The following DPP10 variants were observed in gnomAD, a reference collection of about 807,000 sequenced individuals.
DPP10 encodes the protein dipeptidyl peptidase like 10.
In DPP10, 33 loss-of-function variants were observed where a neutral mutation model predicts 120.9. The ratio of observed to expected loss-of-function variants is 0.27; its 90% CI spans 0.21 to 0.37. DPP10 has a LOEUF of 0.37. Among genes scored for constraint, DPP10 ranks in the 10% least tolerant of loss-of-function variants. The pLI is 1.00. For missense variants in DPP10, 816 were observed against 942.8 expected (o/e 0.87, Z 1.76); for synonymous variants, 337 against 326.1 (o/e 1.03, Z -0.36).
chr2:114,455,601 T>C (rs982250304), intron 1 of DPP10, among the ~76,000 whole-genome samples: 21 of 152,072 alleles, frequency 1.4e-4, no homozygotes, highest in African/African-American at 5.1e-4. Flanking sequence ...ACTTATTTCA[T>C]TGGAGTTTGG....
intron 1 of DPP10, among the ~76,000 whole-genome samples, chr2:115,120,306 T>C (rs915375309): frequency 1.3e-5 from 2 of 152,184 alleles, no homozygotes; most frequent in African/African-American, 4.8e-5. Flanking sequence ...AAGGATGGAA[T>C]GCCTCTGGAT....
intron 1 of DPP10, among the ~76,000 whole-genome samples, chr2:114,705,836 A>G (rs2105839184): frequency 6.6e-6 from 1 of 152,304 alleles, no homozygotes; most frequent in East Asian, 1.9e-4. Context: ...GATTGAAACT[A>G]TGCTTCAGGT....
intron 1 of DPP10, among the ~76,000 whole-genome samples, chr2:115,065,019 T>C (rs1454217509): frequency 1.3e-5 from 2 of 152,212 alleles, no homozygotes; most frequent in East Asian, 3.8e-4. Flanking sequence ...TATTATCCAT[T>C]TAGAAAATGA....
At chr2:114,753,826 A>G (rs2420447) in intron 1 of DPP10, among the ~76,000 whole-genome samples, 149,018 of 150,028 alleles carry the variant, frequency 0.99, 74,014 homozygotes, top group East Asian at 1. Context: ...GGAGAATGGC[A>G]TGAACCCGGG....
chr2:115,056,525 A>AT (rs1372257345), intron 1 of DPP10, among the ~76,000 whole-genome samples: 2 of 151,974 alleles, frequency 1.3e-5, no homozygotes, highest in East Asian at 3.9e-4. Flanking sequence ...ACATCTTGCT[A>AT]TTTTTTTGTT....
chr2:114,529,076 T>C (rs1374366618), intron 1 of DPP10, among the ~76,000 whole-genome samples: 1 of 152,102 alleles, frequency 6.6e-6, no homozygotes, highest in Non-Finnish European at 1.5e-5. Context: ...AAAATATTTA[T>C]CTCCATCTCT....
At chr2:115,335,457 T>C (rs1437754791) in intron 2 of DPP10, among the ~76,000 whole-genome samples, 2 of 152,020 alleles carry the variant, frequency 1.3e-5, no homozygotes, top group Non-Finnish European at 2.9e-5. Flanking sequence ...CTTATCCTGA[T>C]CTCAAATGAC....
intron 1 of DPP10, among the ~76,000 whole-genome samples, chr2:114,669,922 CTCATCATCACT>C (rs1304254741): frequency 7.2e-5 from 11 of 152,168 alleles, no homozygotes; most frequent in Middle Eastern, 3.4e-3. Context: ...TGAAAAAATG[CTCATCATCACT>C]GGCCATCAGA....
At position 115,136,381 on chromosome 2, in the gene DPP10, T is replaced by C. The variant is rs560551880; in HGVS notation, c.61-172858T>C. Among the ~76,000 whole-genome samples the C allele has an allele frequency of 1.4e-3, 220 of 152,314 alleles. 2 individuals carry two copies. The highest frequency in any genetic ancestry group is 5.1e-3 in the African/African-American group (210 of 41,576). ...GTCCTATGAAAATATTAGTAACAGA[T>C]GGCAATGTTTCTCTAGCCTTGATGT... On this transcript the variant is annotated intron_variant, in intron 1 of 25. Transcript: ENST00000410059.
At position 114,943,235 on chromosome 2, in the gene DPP10, G is replaced by A. The variant is rs554534411; in HGVS notation, c.61-366004G>A. 4.6e-5 allele frequency among the ~76,000 whole-genome samples: 7 copies of A among 152,114 alleles called. No individual in the cohort carries two copies. The East Asian group carries it at 9.7e-4, about 21-fold the overall frequency. ...CCCTGCAAAGGACACGAACTCATCC[G>A]TTTTTATGTCTGCATGGTATTCCAT... is the stretch of plus-strand genomic sequence containing the variant. On this transcript the variant is annotated intron_variant, in intron 1 of 25. Transcript: ENST00000410059.
chr2:114,817,737 C>T (rs1194055786), intron 1 of DPP10, among the ~76,000 whole-genome samples: 6 of 152,064 alleles, frequency 3.9e-5, no homozygotes, highest in Non-Finnish European at 7.4e-5. Context: ...ACAAAAGAAA[C>T]ATAACAGGCA....
chr2:114,926,264 C>T (rs937392550), intron 1 of DPP10, among the ~76,000 whole-genome samples: 2 of 152,154 alleles, frequency 1.3e-5, no homozygotes, highest in Non-Finnish European at 2.9e-5. Context: ...TTGATGGTGG[C>T]ATATGATACT....
In DPP10 at chr2:114,992,770, A is replaced by G. The variant is rs189527268; in HGVS notation, c.61-316469A>G. ...GAAAATAGTCAAAAAGAGAAAAAGC[A>G]AACATAACTAAAGAGTTTTAAAATC... On this transcript the variant is annotated intron_variant, in intron 1 of 25. Coordinates refer to ENST00000410059, the MANE Select transcript of DPP10 (RefSeq NM_020868.6). Among the ~76,000 whole-genome samples, 691 of 152,348 alleles carry G rather than the reference A, an allele frequency of 4.5e-3. 6 individuals carry two copies. Among genetic ancestry groups the G allele is most frequent in the African/African-American group, 0.016 (660 of 41,590 alleles).
At chr2:114,778,469 T>C (rs1681965218) in intron 1 of DPP10, among the ~76,000 whole-genome samples, 1 of 152,104 alleles carries the variant, frequency 6.6e-6, no homozygotes, top group African/African-American at 2.4e-5. Context: ...TAAATATTTA[T>C]TTCTTATTTA....
chr2:115,417,586 C>T lies in DPP10; in HGVS notation c.271+73674C>T, dbSNP rs141090844. ...AGTGCTATGATGTAGGTATGTATGT[C>T]ACCCCGCTTTAGATATAAGAAAAAA... is the stretch of plus-strand genomic sequence containing the variant. On this transcript the variant is annotated intron_variant, in intron 3 of 25. Coordinates refer to ENST00000410059, the MANE Select transcript of DPP10 (RefSeq NM_020868.6). Among the ~76,000 whole-genome samples, 1,522 of 152,226 alleles carry T rather than the reference C, an allele frequency of 1.0e-2. 85 individuals are homozygous for T. Among genetic ancestry groups the T allele is most frequent in the Admixed American group, 0.09 (1,377 of 15,282 alleles).
intron 5 of DPP10, among the ~76,000 whole-genome samples, chr2:115,588,390 A>G (rs534621506): frequency 2.0e-5 from 3 of 152,194 alleles, no homozygotes; most frequent in Non-Finnish European, 2.9e-5. Context: ...CTATTCATTA[A>G]CCAATATTTA....
At chr2:114,726,432 G>A (rs1335269477) in intron 1 of DPP10, among the ~76,000 whole-genome samples, 1 of 152,112 alleles carries the variant, frequency 6.6e-6, no homozygotes, top group African/African-American at 2.4e-5. Context: ...GTTGTGGAAT[G>A]ACACTTTTAA....
chr2:115,024,161 AT>A (rs971162327), intron 1 of DPP10, among the ~76,000 whole-genome samples: 22 of 152,148 alleles, frequency 1.4e-4, no homozygotes, highest in African/African-American at 4.6e-4. Context: ...TATTAAAAAA[AT>A]TTTTTTTAGA....
At chr2:115,402,947 G>GTATA (rs533071809) in intron 3 of DPP10, among the ~76,000 whole-genome samples, 4 of 134,562 alleles carry the variant, frequency 3.0e-5, no homozygotes, top group African/African-American at 9.8e-5. Context: ...ATATGTGTGT[G>GTATA]TGTATATATA....
Sources: gnomAD v4.1 joint callset for allele counts (sites outside exome capture counted in the v4.1 genomes callset) on GRCh38, gnomAD v4.1.1 for gene constraint, MANE v1.5 for transcripts, NCBI Gene and HGNC (gene_info 2026-07-23, HGNC 2026-07-21) for gene names.